Variants in COG5 observed in about 807,000 individuals in gnomAD.
The protein encoded by COG5 is conserved oligomeric Golgi complex subunit 5.
A neutral mutation model predicts 110.4 loss-of-function variants in COG5; 86 were observed. The ratio of observed to expected loss-of-function variants is 0.78; its 90% CI spans 0.65 to 0.93. The LOEUF is 0.93. COG5 is among the 40% of genes least tolerant of loss of function. COG5 has a pLI of 0.00. For missense variants in COG5, 1,077 were observed against 987.0 expected (o/e 1.09, Z -1.22); for synonymous variants, 360 against 334.6 (o/e 1.08, Z -0.83).
intron 21 of COG5, chr7:107,208,737 C>G (rs538340837): frequency 4.1e-6 from 4 of 985,262 alleles, no homozygotes; most frequent in Non-Finnish European, 4.8e-6. Context: ...GAGCAGGGTC[C>G]GAGCTAATCT....
intron 16 of COG5, among the ~76,000 whole-genome samples, chr7:107,253,912 T>C (rs1402889140): frequency 1.3e-5 from 2 of 152,164 alleles, no homozygotes; most frequent in Non-Finnish European, 2.9e-5. Context: ...GAGAGGCCTA[T>C]ATAAAATAGC....
rs1248013800 is a variant in COG5 at position 107,241,687 on chromosome 7, C to T, written c.1854-5000G>A. Among the ~76,000 whole-genome samples, 10 of 152,100 alleles carry T rather than the reference C, an allele frequency of 6.6e-5. 1 individual carries two copies. In the South Asian group the frequency reaches 8.3e-4, roughly 13 times the overall value. ...CAGGATGGTCTCGATCTCCTGACCT[C>T]GTGATCCGCCCGTCTCGGCCTCCCA... On this transcript the variant is annotated intron_variant, in intron 17 of 21. Coordinates refer to ENST00000297135, the MANE Select transcript of COG5 (RefSeq NM_006348.5).
chr7:107,212,153 C>G (rs1183107833), intron 19 of COG5, among the ~76,000 whole-genome samples: 1 of 152,150 alleles, frequency 6.6e-6, no homozygotes, highest in Admixed American at 6.5e-5. Flanking sequence ...ATAGCTGGTT[C>G]TCATTAGATA....
At chr7:107,244,942 C>G (rs1182849697) in intron 17 of COG5, among the ~76,000 whole-genome samples, 1 of 152,176 alleles carries the variant, frequency 6.6e-6, no homozygotes, top group Non-Finnish European at 1.5e-5. Context: ...CTCCCCAACC[C>G]TCATTCTATG....
intron 19 of COG5, among the ~76,000 whole-genome samples, chr7:107,215,532 C>T (rs918809032): frequency 4.6e-5 from 7 of 151,392 alleles, no homozygotes; most frequent in Non-Finnish European, 7.4e-5. Context: ...GGTGTGGTGG[C>T]GGGCACCTGT....
intron 1 of COG5, among the ~76,000 whole-genome samples, chr7:107,562,561 TGAG>T (rs1306330318): frequency 1.3e-5 from 2 of 152,166 alleles, no homozygotes. Context: ...GTGAACTACT[TGAG>T]GGCAAAAATT....
intron 11 of COG5, among the ~76,000 whole-genome samples, chr7:107,305,556 T>C (rs571426185): frequency 6.6e-6 from 1 of 152,202 alleles, no homozygotes; most frequent in South Asian, 2.1e-4. Flanking sequence ...TTTCTTTGGG[T>C]TGGGAATCCT....
At chr7:107,367,647 G>C (rs2299424) in intron 8 of COG5, among the ~76,000 whole-genome samples, 4 of 152,026 alleles carry the variant, frequency 2.6e-5, no homozygotes, top group African/African-American at 9.7e-5. Flanking sequence ...AACTTGGATG[G>C]AACAAGTGGC....
At chr7:107,397,452 C>T (rs1331575761) in intron 7 of COG5, among the ~76,000 whole-genome samples, 2 of 151,968 alleles carry the variant, frequency 1.3e-5, no homozygotes, top group African/African-American at 4.8e-5. Context: ...ATCTAGCTTG[C>T]TGTTAACAGT....
chr7:107,286,700 G>A (rs978199760), intron 12 of COG5, among the ~76,000 whole-genome samples: 5 of 152,094 alleles, frequency 3.3e-5, no homozygotes, highest in South Asian at 2.1e-4. Context: ...CTTTCTCAAC[G>A]TGGCACTTCT....
intron 17 of COG5, among the ~76,000 whole-genome samples, chr7:107,244,026 C>G (rs370201698): frequency 6.6e-6 from 1 of 152,106 alleles, no homozygotes; most frequent in African/African-American, 2.4e-5. Flanking sequence ...GCAGCTGGAT[C>G]CCTTGAGGTT....
chr7:107,264,205 A>G (rs1803604389), intron 14 of COG5, among the ~76,000 whole-genome samples: 1 of 152,158 alleles, frequency 6.6e-6, no homozygotes, highest in Admixed American at 6.5e-5. Flanking sequence ...ATTGCACTCC[A>G]GGCAGTGACT....
intron 2 of COG5, among the ~76,000 whole-genome samples, chr7:107,555,354 T>C (rs1803230505): frequency 6.6e-6 from 1 of 152,240 alleles, no homozygotes; most frequent in South Asian, 2.1e-4. Flanking sequence ...CTTAGTTTCA[T>C]GTCTAGTCTG....
intron 6 of COG5, among the ~76,000 whole-genome samples, chr7:107,488,865 T>TAA (rs140227224): frequency 6.7e-6 from 1 of 149,592 alleles, no homozygotes; most frequent in African/African-American, 2.5e-5. Context: ...AATAAAAAAT[T>TAA]AAAAAAAAAA....
At chr7:107,492,441 A>C (rs536925996) in intron 6 of COG5, among the ~76,000 whole-genome samples, 1 of 152,236 alleles carries the variant, frequency 6.6e-6, no homozygotes, top group Non-Finnish European at 1.5e-5. Context: ...ACAATAAGCT[A>C]AAACCAAGAT....
chr7:107,415,910 G>A (rs111321524), intron 6 of COG5, among the ~76,000 whole-genome samples: 1,974 of 61,704 alleles, frequency 0.032, 607 homozygotes, highest in African/African-American at 0.13. Flanking sequence ...ACGTATGTAT[G>A]TATGTGTGTG....
At chr7:107,440,840 G>A (rs954381353) in intron 6 of COG5, among the ~76,000 whole-genome samples, 4 of 152,088 alleles carry the variant, frequency 2.6e-5, no homozygotes, top group African/African-American at 9.7e-5. Flanking sequence ...CCCATACTAT[G>A]CTCTATATAT....
At chr7:107,423,150 G>A (rs938629484) in intron 6 of COG5, among the ~76,000 whole-genome samples, 2 of 150,712 alleles carry the variant, frequency 1.3e-5, no homozygotes, top group Non-Finnish European at 3.0e-5. Context: ...ATCAAAAAAA[G>A]GCATCTTTCC....
At position 107,371,667 on chromosome 7, in the gene COG5, A is replaced by C. The variant is rs1380522258; in HGVS notation, c.835+928T>G. 2.6e-5 allele frequency among the ~76,000 whole-genome samples: 4 copies of C among 152,218 alleles called. No individual in the cohort carries two copies. In the South Asian group the frequency reaches 8.3e-4, roughly 32 times the overall value. On this transcript the variant is annotated intron_variant, in intron 8 of 21. Coordinates refer to ENST00000297135, the MANE Select transcript of COG5 (RefSeq NM_006348.5). ...TGAAGAAATAACATGCAGGTAGTAG[A>C]GCTGAAGAAAGAAATTAAGATATAT...
Sources: gnomAD v4.1 joint callset for allele counts (sites outside exome capture counted in the v4.1 genomes callset) on GRCh38, gnomAD v4.1.1 for gene constraint, MANE v1.5 for transcripts, NCBI Gene and HGNC (gene_info 2026-07-23, HGNC 2026-07-21) for gene names.